The following DIAPH3 variants were observed in gnomAD, a reference collection of about 807,000 sequenced individuals.
The protein encoded by DIAPH3 is diaphanous related formin 3, also known as protein diaphanous homolog 3.
A neutral mutation model predicts 144.3 loss-of-function variants in DIAPH3; 117 were observed. The observed-to-expected ratio is 0.81, with a 90% CI of 0.70 to 0.95. The LOEUF is 0.95. Ranked by LOEUF, DIAPH3 falls within the 40% of genes least tolerant of loss-of-function variation. DIAPH3 has a pLI of 0.00. For synonymous variants in DIAPH3, 519 were observed against 488.9 expected (o/e 1.06, Z -0.81); for missense variants, 1,421 against 1,412.7 (o/e 1.01, Z -0.09).
At chr13:60,124,079 G>T (rs1022510069) in intron 2 of DIAPH3, among the ~76,000 whole-genome samples, 2 of 152,174 alleles carry the variant, frequency 1.3e-5, no homozygotes, top group African/African-American at 4.8e-5. Context: ...CTATTAGGCC[G>T]CATTCATCTT....
intron 25 of DIAPH3, among the ~76,000 whole-genome samples, chr13:59,807,857 A>T (rs1426183033): frequency 2.0e-5 from 3 of 152,096 alleles, no homozygotes; most frequent in African/African-American, 7.2e-5. Context: ...AGCTTTTTTT[A>T]AAATTAAGAA....
chr13:60,074,600 C>T (rs1250782878), intron 4 of DIAPH3, among the ~76,000 whole-genome samples: 1 of 152,150 alleles, frequency 6.6e-6, no homozygotes, highest in African/African-American at 2.4e-5. Context: ...AGTTCTTGCC[C>T]CAGTTTCTCC....
chr13:60,008,516 A>C (rs763613304), intron 9 of DIAPH3, 28 bp downstream of exon 9: 1 of 1,487,398 alleles, frequency 6.7e-7, no homozygotes, highest in Middle Eastern at 2.0e-4. Flanking sequence ...CCATTTAAAA[A>C]CAGATTTTAT....
intron 21 of DIAPH3, 69 bp downstream of exon 21, chr13:59,879,160 A>G: frequency 6.3e-7 from 1 of 1,598,468 alleles, no homozygotes; most frequent in Non-Finnish European, 8.5e-7. Context: ...TATTTAAATA[A>G]TGCAATCAGG....
At chr13:59,929,388 T>C (rs531732591) in intron 17 of DIAPH3, among the ~76,000 whole-genome samples, 1 of 152,162 alleles carries the variant, frequency 6.6e-6, no homozygotes, top group South Asian at 2.1e-4. Context: ...ATCATATAAT[T>C]AGTGTCTAGA....
At chr13:59,773,921 G>C (rs1421601256) in intron 27 of DIAPH3, 1 of 394,258 alleles carries the variant, frequency 2.5e-6, no homozygotes, top group East Asian at 4.6e-5. Flanking sequence ...ACACTGATCA[G>C]CAATGATTGA....
intron 25 of DIAPH3, among the ~76,000 whole-genome samples, chr13:59,810,093 T>C (rs561860955): frequency 6.6e-6 from 1 of 152,260 alleles, no homozygotes; most frequent in South Asian, 2.1e-4. Flanking sequence ...CTTTGAAACA[T>C]ATTGACAACA....
intron 5 of DIAPH3, chr13:60,034,471 A>AG (rs2141129192): frequency 6.6e-6 from 1 of 152,336 alleles, no homozygotes; most frequent in Non-Finnish European, 1.5e-5. Flanking sequence ...TTTAAGAGGC[A>AG]GGGACTCACT....
At chr13:60,001,805 A>G (rs765008629) in intron 9 of DIAPH3, among the ~76,000 whole-genome samples, 9 of 152,218 alleles carry the variant, frequency 5.9e-5, no homozygotes, top group Non-Finnish European at 1.3e-4. Context: ...AGTTCTCTCC[A>G]AATGGAAGCT....
intron 1 of DIAPH3, among the ~76,000 whole-genome samples, chr13:60,146,083 G>T (rs1951505565): frequency 6.6e-6 from 1 of 151,954 alleles, no homozygotes; most frequent in African/African-American, 2.4e-5. Flanking sequence ...TCTCTTAAAA[G>T]GAATCAAAAA....
intron 22 of DIAPH3, among the ~76,000 whole-genome samples, chr13:59,847,183 A>C (rs999531245): frequency 2.6e-5 from 4 of 152,154 alleles, no homozygotes; most frequent in African/African-American, 9.7e-5. Flanking sequence ...CTTTCTTCCC[A>C]TTGTTCTGAT....
chr13:60,163,887 C>G lies in DIAPH3; in HGVS notation c.-121G>C. 1 of 1,259,472 alleles carries G rather than the reference C, an allele frequency of 7.9e-7. No individual in the cohort carries two copies. 78.0% of individuals were successfully genotyped at this position (1,259,472 alleles called of 1,614,324 possible). On this transcript the variant is annotated 5_prime_UTR_variant, in exon 1 of 28. Coordinates refer to ENST00000400324, the MANE Select transcript of DIAPH3 (RefSeq NM_001042517.2). ...TCCGCCACCCAAACAGTCAGCACAG[C>G]CTAGCCCAACCGCTGAAGTCGGGGC...
At chr13:59,745,483 A>C (rs563983343) in intron 27 of DIAPH3, among the ~76,000 whole-genome samples, 1 of 152,356 alleles carries the variant, frequency 6.6e-6, no homozygotes, top group African/African-American at 2.4e-5. Flanking sequence ...CTCACAAAAA[A>C]AAATGACTAG....
At chr13:59,900,098 TGTGA>T (rs2140171091) in intron 20 of DIAPH3, among the ~76,000 whole-genome samples, 1 of 152,286 alleles carries the variant, frequency 6.6e-6, no homozygotes, top group South Asian at 2.1e-4. Flanking sequence ...ATTGGCAGCA[TGTGA>T]GTGATTTTTT....
chr13:59,871,234 T>C (rs1450775608), intron 21 of DIAPH3, among the ~76,000 whole-genome samples: 1 of 151,888 alleles, frequency 6.6e-6, no homozygotes, highest in Non-Finnish European at 1.5e-5. Flanking sequence ...AGACAATCAT[T>C]TCATCTATGA....
chr13:59,673,171 T>C (rs1206648057), intron 27 of DIAPH3, among the ~76,000 whole-genome samples: 1 of 152,184 alleles, frequency 6.6e-6, no homozygotes, highest in Non-Finnish European at 1.5e-5. Flanking sequence ...CGTAAACTCT[T>C]CTGTTTGACT....
intron 27 of DIAPH3, among the ~76,000 whole-genome samples, chr13:59,726,442 A>G (rs2035604948): frequency 6.6e-6 from 1 of 152,146 alleles, no homozygotes; most frequent in South Asian, 2.1e-4. Flanking sequence ...GGCTAGGTCT[A>G]TTTGCCTGCT....
intron 5 of DIAPH3, among the ~76,000 whole-genome samples, chr13:60,034,998 A>G (rs1028853429): frequency 2.6e-5 from 4 of 151,874 alleles, no homozygotes; most frequent in African/African-American, 9.7e-5. Context: ...GGCCATTTAA[A>G]CAGCTATATT....
In DIAPH3 at chr13:59,673,844, C is replaced by A. The variant is rs74989979; in HGVS notation, c.3320-6998G>T. Among the ~76,000 whole-genome samples the A allele has an allele frequency of 2.8e-3, 430 of 152,322 alleles. 10 individuals carry two copies. In the East Asian group the frequency reaches 0.07, roughly 25 times the overall value. ...CCTTACACATCAATGTGCAGGGAGG[C>A]TGATGCGTCCCTAAGGACAATAGGG... On this transcript the variant is annotated intron_variant, in intron 27 of 27. Transcript: ENST00000400324.
Sources: allele counts gnomAD v4.1 joint callset (sites outside exome capture counted in the v4.1 genomes callset), GRCh38; gene constraint gnomAD v4.1.1; transcripts MANE v1.5; gene names NCBI Gene and HGNC (gene_info 2026-07-23, HGNC 2026-07-21).